Variants in COPS7B observed in about 807,000 individuals in gnomAD.
The protein encoded by COPS7B is COP9 signalosome complex subunit 7b.
In COPS7B, 9 loss-of-function variants were observed where a neutral mutation model predicts 33.4. That is an observed-to-expected ratio of 0.27 (90% confidence interval 0.16 to 0.47). The LOEUF is 0.47. COPS7B is among the 20% of genes least tolerant of loss of function. The pLI is 0.99. For missense variants in COPS7B, 242 were observed against 318.2 expected (o/e 0.76, Z 1.82); for synonymous variants, 119 against 126.3 (o/e 0.94, Z 0.39).
chr2:231,807,748 G>T lies in COPS7B; in HGVS notation c.*103G>T, dbSNP rs1219637296. The T allele has an allele frequency of 1.8e-6, 2 of 1,112,424 alleles. No individual in the cohort carries two copies. The highest frequency in any genetic ancestry group is 1.6e-5 in the African/African-American group (1 of 63,010). 68.9% of individuals were successfully genotyped at this position (1,112,424 alleles called of 1,614,324 possible). On this transcript the variant is annotated 3_prime_UTR_variant, in exon 7 of 7. Coordinates refer to ENST00000350033, the MANE Select transcript of COPS7B (RefSeq NM_022730.4). ...TCTACCTGCAGTGAGTTCCAGACCT[G>T]CCCGTCCCCTCACCAGCGCCTCCCC... is the stretch of plus-strand genomic sequence containing the variant.
At chr2:231,801,176 C>T in intron 6 of COPS7B, 2 of 1,550,568 alleles carry the variant, frequency 1.3e-6, no homozygotes, top group Non-Finnish European at 1.7e-6. Context: ...TGATGTCCCC[C>T]TCCTGAATCT....
At chr2:231,806,089 T>C (rs756257756) in intron 6 of COPS7B, among the ~76,000 whole-genome samples, 3 of 152,136 alleles carry the variant, frequency 2.0e-5, no homozygotes, top group Non-Finnish European at 4.4e-5. Flanking sequence ...AAACAATTTA[T>C]GATCTAGTTA....
rs1482469911 is a variant in COPS7B at position 231,808,640 on chromosome 2, A to G, written c.*995A>G. 1 of 403,016 alleles carries G rather than the reference A, an allele frequency of 2.5e-6. No individual in the cohort carries two copies. The allele number at this position is 403,016 out of a possible 1,614,324, so 25.0% of individuals were successfully genotyped here. A position where few individuals can be genotyped will look rare whatever the true frequency, so the allele number is the denominator to read the frequency against. ...AGAAAAAGACTTAACTAGACTTCTGAACTTGAACAGTTTCAGGTTATATTT... is the reference window on the plus strand; with the variant it reads ...AGAAAAAGACTTAACTAGACTTCTGGACTTGAACAGTTTCAGGTTATATTT... On this transcript the variant is annotated 3_prime_UTR_variant, in exon 7 of 7. Coordinates refer to ENST00000350033, the MANE Select transcript of COPS7B (RefSeq NM_022730.4).
intron 3 of COPS7B, chr2:231,794,003 C>A: frequency 2.2e-6 from 1 of 456,470 alleles, no homozygotes; most frequent in South Asian, 2.7e-5. Context: ...AAATAGTACT[C>A]CATTAAGATA....
chr2:231,790,808 G>A (rs1003941156), intron 2 of COPS7B: 2 of 149,126 alleles, frequency 1.3e-5, no homozygotes, highest in Non-Finnish European at 3.0e-5. Context: ...GCGCAATCTC[G>A]GCTCACTGCA....
intron 5 of COPS7B, among the ~76,000 whole-genome samples, chr2:231,798,243 T>C (rs1194102379): frequency 2.7e-5 from 4 of 149,200 alleles, no homozygotes; most frequent in Non-Finnish European, 4.4e-5. Flanking sequence ...CTATAAAATC[T>C]ATTCTACCTT....
intron 6 of COPS7B, among the ~76,000 whole-genome samples, chr2:231,805,226 A>G (rs1257094341): frequency 6.6e-6 from 1 of 151,930 alleles, no homozygotes; most frequent in Non-Finnish European, 1.5e-5. Context: ...AAAGAGTGAT[A>G]AGCCATTGGC....
Position 231,794,241 on chromosome 2 carries a change from TGTG to T in COPS7B, c.239-17_239-15del. The T allele has an allele frequency of 1.3e-6, 2 of 1,598,396 alleles. No homozygotes were observed. The highest frequency in any genetic ancestry group is 2.2e-5 in the South Asian group (2 of 89,658). On this transcript the variant is annotated intron_variant, in intron 3 of 6. Transcript: ENST00000350033. ...TAATTTTATTTTGTGTCTTGATTTT[TGTG>T]GTGGGTGGGACTGAGCAGCCAACAA...
At chr2:231,806,072 C>T (rs942499599) in intron 6 of COPS7B, among the ~76,000 whole-genome samples, 9 of 151,870 alleles carry the variant, frequency 5.9e-5, no homozygotes, top group African/African-American at 2.2e-4. Flanking sequence ...AAAATAGTGA[C>T]AACAAAAAAC....
intron 4 of COPS7B, among the ~76,000 whole-genome samples, chr2:231,795,245 T>G (rs1488519979): frequency 6.6e-6 from 1 of 152,106 alleles, no homozygotes; most frequent in East Asian, 1.9e-4. Flanking sequence ...TTTTTTAAAT[T>G]GAGACAAGGG....
intron 3 of COPS7B, 156 bp downstream of exon 3, chr2:231,791,964 G>A (rs1281591854): frequency 1.4e-6 from 1 of 716,550 alleles, no homozygotes; most frequent in South Asian, 1.5e-5. Context: ...CCTCACAAAG[G>A]GAATGTTCCT....
At chr2:231,790,341 C>T (rs111831317) in intron 2 of COPS7B, 2 of 152,272 alleles carry the variant, frequency 1.3e-5, no homozygotes, top group Admixed American at 6.5e-5. Flanking sequence ...TGCTCTTTTC[C>T]GGCTAGTTTT....
intron 5 of COPS7B, among the ~76,000 whole-genome samples, chr2:231,797,033 G>A (rs1470242683): frequency 6.6e-6 from 1 of 152,244 alleles, no homozygotes; most frequent in African/African-American, 2.4e-5. Flanking sequence ...TGGACTGATT[G>A]GAGAAGTTTT....
rs773202539 is a variant in COPS7B, at chr2:231,807,732, AGT to A, written c.*89_*90del. 500 of 1,273,276 alleles carry A rather than the reference AGT, an allele frequency of 3.9e-4. 2 individuals carry two copies. Among genetic ancestry groups the A allele is most frequent in the Non-Finnish European group, 4.2e-4 (395 of 936,010 alleles). 78.9% of individuals were successfully genotyped at this position (1,273,276 alleles called of 1,614,324 possible). ...CCCATTTCCTCCCCTCTCTACCTGC[AGT>A]GAGTTCCAGACCTGCCCGTCCCCTC... On this transcript the variant is annotated 3_prime_UTR_variant, in exon 7 of 7. Coordinates refer to ENST00000350033, the MANE Select transcript of COPS7B (RefSeq NM_022730.4).
At chr2:231,797,754 T>C (rs931526221) in intron 5 of COPS7B, among the ~76,000 whole-genome samples, 2 of 152,224 alleles carry the variant, frequency 1.3e-5, no homozygotes, top group African/African-American at 4.8e-5. Flanking sequence ...ATATTCATTG[T>C]AGTCTTTCAA....
rs2049249416 is a variant in COPS7B, at chr2:231,786,553, G to A, written c.-17+15G>A. Reference sequence around the variant, plus strand: ...GGCGTGGACAGGTAGGAGCTAGCGAGAGGGTGGGCCGAGCGGGGCCGGCGC... The same window carrying A: ...GGCGTGGACAGGTAGGAGCTAGCGAAAGGGTGGGCCGAGCGGGGCCGGCGC... On this transcript the variant is annotated intron_variant, in intron 1 of 6. Transcript: ENST00000350033. The A allele has an allele frequency of 1.0e-6, 1 of 979,152 alleles. No homozygotes were observed. The highest frequency in any genetic ancestry group is 1.2e-6 in the Non-Finnish European group (1 of 824,178). The allele number at this position is 979,152 out of a possible 1,614,324, so 60.7% of individuals were successfully genotyped here.
In COPS7B at chr2:231,788,693, T is replaced by C. The variant is rs747396289; in HGVS notation, c.123T>C (p.Tyr41=). 2 of 1,614,184 alleles carry C rather than the reference T, an allele frequency of 1.2e-6. No homozygotes were observed. Among genetic ancestry groups the C allele is most frequent in the South Asian group, 1.1e-5 (1 of 91,086 alleles). The part of the protein sequence containing the change: ...ISQVLEAPGV[Y]VFGELLELAN... ...AGGTCTTAGAGGCTCCCGGAGTGTA[T>C]GTCTTTGGAGAACTTCTGGAGCTGG... is the stretch of plus-strand genomic sequence containing the variant. The change falls in exon 2 of 7, where the codon TAT becomes TAC. Residue 41 remains tyrosine, a synonymous_variant. Coordinates refer to ENST00000350033, the MANE Select transcript of COPS7B (RefSeq NM_022730.4).
At chr2:231,798,792 T>A in intron 5 of COPS7B, 67 bp from the exon 6 acceptor site, 1 of 1,321,048 alleles carries the variant, frequency 7.6e-7, no homozygotes, top group Non-Finnish European at 1.1e-6. Context: ...TGGGGAAGAA[T>A]ATTTCTGAGC....
chr2:231,783,235 G>A (rs996780641), upstream of COPS7B, among the ~76,000 whole-genome samples: 8 of 152,212 alleles, frequency 5.3e-5, no homozygotes, highest in South Asian at 2.1e-4. Flanking sequence ...TAGCAAAGCC[G>A]TAGTGAGCAT....
Sources: gnomAD v4.1 joint callset for allele counts (sites outside exome capture counted in the v4.1 genomes callset) on GRCh38, gnomAD v4.1.1 for gene constraint, MANE v1.5 for transcripts, NCBI Gene and HGNC (gene_info 2026-07-23, HGNC 2026-07-21) for gene names.